THSD7B: variants seen among roughly 807,000 people sequenced by gnomAD.
The protein encoded by THSD7B is thrombospondin type-1 domain-containing protein 7B.
Under a neutral mutation model 213.6 loss-of-function variants are expected in THSD7B, and 138 were observed. That is an observed-to-expected ratio of 0.65 (90% CI 0.56 to 0.74). The LOEUF (loss-of-function observed/expected upper bound fraction) is 0.74. Ranked by LOEUF, THSD7B falls within the 30% of genes least tolerant of loss-of-function variation. THSD7B has a pLI of 0.00. For synonymous variants in THSD7B, 742 were observed against 687.0 expected, an observed-to-expected ratio of 1.08 and a Z score of -1.25; for missense variants, 1,931 against 1,991.5, an observed-to-expected ratio of 0.97 and a Z score of 0.58.
chr2:136,944,977 G>T (rs139829345), intron 2 of THSD7B, among the ~76,000 whole-genome samples: 22 of 151,908 alleles, frequency 1.4e-4, no homozygotes, highest in African/African-American at 5.1e-4. Flanking sequence ...CAGTTTCTTT[G>T]TAGCATCGAT....
chr2:137,278,961 G>T, intron 12 of THSD7B, among the ~76,000 whole-genome samples: 1 of 152,078 alleles, frequency 6.6e-6, no homozygotes, highest in East Asian at 1.9e-4. Context: ...TTAAGTTATG[G>T]ATTTAAGCAA....
intron 2 of THSD7B, among the ~76,000 whole-genome samples, chr2:136,937,989 A>G (rs186354573): frequency 4.9e-4 from 75 of 152,332 alleles, no homozygotes; most frequent in African/African-American, 1.8e-3. Flanking sequence ...CTATTTTTGT[A>G]CAGGTTCACT....
intron 1 of THSD7B, among the ~76,000 whole-genome samples, chr2:136,787,599 T>A (rs891981459): frequency 2.6e-5 from 4 of 152,190 alleles, no homozygotes; most frequent in Admixed American, 2.6e-4. Context: ...CAAAATCTCT[T>A]GGAGATTTGG....
intron 2 of THSD7B, among the ~76,000 whole-genome samples, chr2:136,942,325 T>C (rs534190300): frequency 6.6e-6 from 1 of 152,352 alleles, no homozygotes; most frequent in African/African-American, 2.4e-5. Context: ...GTCTTGGCAA[T>C]GTGGGCTCTT....
chr2:137,331,904 G>A (rs1646638027), intron 12 of THSD7B, among the ~76,000 whole-genome samples: 1 of 152,074 alleles, frequency 6.6e-6, no homozygotes, highest in Non-Finnish European at 1.5e-5. Flanking sequence ...TGCTCCAAGT[G>A]CGGGCCCGCC....
At chr2:136,825,594 G>A (rs141444872) in intron 1 of THSD7B, among the ~76,000 whole-genome samples, 3,039 of 151,774 alleles carry the variant, frequency 0.02, 99 homozygotes, top group African/African-American at 0.068. Flanking sequence ...TTGCTCTGTC[G>A]CCCAGGCTGG....
chr2:137,119,332 A>G (rs1208371174), intron 5 of THSD7B, among the ~76,000 whole-genome samples: 2 of 152,228 alleles, frequency 1.3e-5, no homozygotes, highest in East Asian at 1.9e-4. Flanking sequence ...TACATCTGTC[A>G]TAAGGGTGTC....
At chr2:137,355,251 C>G (rs540952702) in intron 12 of THSD7B, among the ~76,000 whole-genome samples, 1 of 151,988 alleles carries the variant, frequency 6.6e-6, no homozygotes, top group African/African-American at 2.4e-5. Context: ...CAGTTGTCAC[C>G]AACTCTAACC....
intron 5 of THSD7B, among the ~76,000 whole-genome samples, chr2:137,139,403 T>C (rs1337447488): frequency 6.6e-6 from 1 of 152,102 alleles, no homozygotes; most frequent in Non-Finnish European, 1.5e-5. Flanking sequence ...AAGAACACAT[T>C]TCTGAGGCAA....
intron 5 of THSD7B, among the ~76,000 whole-genome samples, chr2:137,144,388 T>C (rs1322389297): frequency 1.3e-5 from 2 of 152,224 alleles, no homozygotes; most frequent in Non-Finnish European, 2.9e-5. Flanking sequence ...ACCACACTAA[T>C]TTATTTATGT....
intron 2 of THSD7B, among the ~76,000 whole-genome samples, chr2:136,976,739 A>T (rs1474209833): frequency 6.6e-6 from 1 of 151,652 alleles, no homozygotes; most frequent in African/African-American, 2.4e-5. Flanking sequence ...CTCCTGCCTC[A>T]GCCTCCAGAG....
chr2:137,529,069 T>C (rs1156813024), intron 15 of THSD7B, among the ~76,000 whole-genome samples: 23 of 152,168 alleles, frequency 1.5e-4, no homozygotes. Context: ...TGGCTAGTGA[T>C]AGGGAGATAT....
At position 137,395,567 on chromosome 2, in the gene THSD7B, G is replaced by C. The variant is rs1230787015; in HGVS notation, c.2501-10046G>C. Among the ~76,000 whole-genome samples the C allele has an allele frequency of 7.9e-5, 12 of 152,166 alleles. No homozygotes were observed. The South Asian group carries it at 2.5e-3, about 32-fold the overall frequency. On this transcript the variant is annotated intron_variant, in intron 12 of 27. Transcript: ENST00000409968. ...ATGTGCTGCTGGATTTGTTTTGCCA[G>C]TATTTTATTGAGGATTTTTGCATCA...
At chr2:137,308,836 C>G (rs1683820485) in intron 12 of THSD7B, among the ~76,000 whole-genome samples, 1 of 151,994 alleles carries the variant, frequency 6.6e-6, no homozygotes, top group Non-Finnish European at 1.5e-5. Context: ...TTTTTCCTTG[C>G]TAACACTTTG....
At chr2:137,101,946 C>T (rs1305388033) in intron 4 of THSD7B, among the ~76,000 whole-genome samples, 3 of 152,210 alleles carry the variant, frequency 2.0e-5, no homozygotes, top group African/African-American at 4.8e-5. Flanking sequence ...TGGGGGAAGG[C>T]GCAGCTGCGG....
chr2:137,040,346 G>T lies in THSD7B; in HGVS notation c.140-16074G>T, dbSNP rs116868181. Among the ~76,000 whole-genome samples, 650 of 151,864 alleles carry T rather than the reference G, an allele frequency of 4.3e-3. 8 individuals are homozygous for T. Among genetic ancestry groups the T allele is most frequent in the Admixed American group, 0.03 (454 of 15,250 alleles). ...GAAGCTAGAGGAAACTAGCCCAAGA[G>T]GTAGCTATATTTCTTTTTCTTCTCC... is the stretch of plus-strand genomic sequence containing the variant. On this transcript the variant is annotated intron_variant, in intron 2 of 27. Coordinates refer to ENST00000409968, the MANE Select transcript of THSD7B (RefSeq NM_001316349.2).
At chr2:137,118,808 A>G (rs1356577715) in intron 5 of THSD7B, among the ~76,000 whole-genome samples, 1 of 152,164 alleles carries the variant, frequency 6.6e-6, no homozygotes, top group African/African-American at 2.4e-5. Flanking sequence ...TTAATAAAGA[A>G]AAAGAGGTTT....
intron 2 of THSD7B, among the ~76,000 whole-genome samples, chr2:136,942,458 G>C (rs2105061601): frequency 6.6e-6 from 1 of 152,240 alleles, no homozygotes; most frequent in South Asian, 2.1e-4. Flanking sequence ...CCATTTTCAT[G>C]ATACTGATTC....
chr2:137,676,005 A>C (rs1029983525), intron 27 of THSD7B, among the ~76,000 whole-genome samples: 7 of 152,152 alleles, frequency 4.6e-5, no homozygotes, highest in African/African-American at 1.7e-4. Context: ...AAAGTTGTGG[A>C]CTTCAGGTAA....
Sources: gnomAD v4.1 joint callset for allele counts (sites outside exome capture counted in the v4.1 genomes callset) on GRCh38, gnomAD v4.1.1 for gene constraint, MANE v1.5 for transcripts, NCBI Gene and HGNC (gene_info 2026-07-23, HGNC 2026-07-21) for gene names.